The following GALNT18 variants were observed in gnomAD, a reference collection of about 807,000 sequenced individuals.
GALNT18 encodes polypeptide N-acetylgalactosaminyltransferase 18.
A neutral mutation model predicts 69.5 loss-of-function variants in GALNT18; 44 were observed. That is an observed-to-expected ratio of 0.63 (90% CI 0.50 to 0.81). The LOEUF (loss-of-function observed/expected upper bound fraction) is 0.81, where lower values mean the gene tolerates loss of function less well. Among genes scored for constraint, GALNT18 ranks in the 40% least tolerant of loss-of-function variants. The pLI, the probability that GALNT18 is intolerant of heterozygous loss-of-function variation, is 0.00. For synonymous variants in GALNT18, 364 were observed against 318.2 expected (o/e 1.14, Z -1.53); for missense variants, 715 against 810.0 (o/e 0.88, Z 1.42).
intron 10 of GALNT18, among the ~76,000 whole-genome samples, chr11:11,281,682 G>A (rs1049285484): frequency 4.6e-5 from 7 of 152,126 alleles, no homozygotes; most frequent in African/African-American, 1.7e-4. Context: ...GCATCCTTCA[G>A]AGACTCCCAT....
intron 8 of GALNT18, among the ~76,000 whole-genome samples, chr11:11,329,145 C>G (rs1163642697): frequency 2.6e-5 from 4 of 152,124 alleles, no homozygotes; most frequent in African/African-American, 9.7e-5. Context: ...TAGTGCCTAC[C>G]TCATAAGGCT....
At chr11:11,570,599 C>T (rs569959215) in intron 1 of GALNT18, among the ~76,000 whole-genome samples, 1 of 152,334 alleles carries the variant, frequency 6.6e-6, no homozygotes, top group Admixed American at 6.5e-5. Flanking sequence ...ATCACAGTCT[C>T]AAAGCTCCCC....
chr11:11,593,135 G>C (rs948433776), intron 1 of GALNT18, among the ~76,000 whole-genome samples: 1 of 152,058 alleles, frequency 6.6e-6, no homozygotes, highest in Non-Finnish European at 1.5e-5. Context: ...GGATGGTCTC[G>C]ATATCCTGAC....
chr11:11,373,573 G>C (rs148282869), intron 5 of GALNT18, among the ~76,000 whole-genome samples: 4 of 152,332 alleles, frequency 2.6e-5, no homozygotes, highest in Middle Eastern at 3.4e-3. Context: ...AACAGGCAGA[G>C]CTTAGGTACA....
chr11:11,320,932 G>A lies in GALNT18; in HGVS notation c.1512+6154C>T, dbSNP rs1249873722. On this transcript the variant is annotated intron_variant, in intron 9 of 10. Transcript: ENST00000227756. This position sits in a 1 kb window ranked among gnomAD's most constrained non-coding sequence, Gnocchi z 4.9. ...CACTGCTAGTTGTGCATCTGAGCAT[G>A]GCCTGGCGTGAAAGGTCACCAGGAC... is the stretch of plus-strand genomic sequence containing the variant. Among the ~76,000 whole-genome samples, 1 of 152,142 alleles carries A rather than the reference G, an allele frequency of 6.6e-6. No individual in the cohort carries two copies. Among genetic ancestry groups the A allele is most frequent in the Non-Finnish European group, 1.5e-5 (1 of 68,024 alleles).
At position 11,387,323 on chromosome 11, in the gene GALNT18, T is replaced by C. The variant is rs1589959905; in HGVS notation, c.596-8059A>G. 4.6e-5 allele frequency among the ~76,000 whole-genome samples: 7 copies of C among 152,204 alleles called. No homozygotes were observed. In the South Asian group the frequency reaches 1.5e-3, roughly 32 times the overall value. On this transcript the variant is annotated intron_variant, in intron 3 of 10. Coordinates refer to ENST00000227756, the MANE Select transcript of GALNT18 (RefSeq NM_198516.3). This position sits in a 1 kb window ranked among gnomAD's most constrained non-coding sequence, Gnocchi z 4.6. ...CTGCCTTCTGCAGAGGCCACGGCTTTTTGTCCCATTGTGGCCACACCCCTC... is the reference window on the plus strand; with the variant it reads ...CTGCCTTCTGCAGAGGCCACGGCTTCTTGTCCCATTGTGGCCACACCCCTC...
At chr11:11,344,297 C>T (rs908318593) in intron 6 of GALNT18, among the ~76,000 whole-genome samples, 8 of 152,122 alleles carry the variant, frequency 5.3e-5, no homozygotes, top group South Asian at 4.1e-4. Flanking sequence ...CATGCAATGA[C>T]GTACCCAACC....
intron 1 of GALNT18, among the ~76,000 whole-genome samples, chr11:11,597,011 A>G (rs1859516810): frequency 6.6e-6 from 1 of 152,116 alleles, no homozygotes; most frequent in African/African-American, 2.4e-5. Flanking sequence ...TTCATCCAGA[A>G]AGGGTAGATT....
chr11:11,609,258 G>A (rs76751848), intron 1 of GALNT18, among the ~76,000 whole-genome samples: 13,963 of 151,246 alleles, frequency 0.092, 921 homozygotes, highest in Admixed American at 0.2. Flanking sequence ...TTCCCAACCC[G>A]CCCCTCTCTG....
chr11:11,536,877 CAAAAAAG>C (rs1406625475), intron 1 of GALNT18, among the ~76,000 whole-genome samples: 32 of 152,146 alleles, frequency 2.1e-4, no homozygotes, highest in African/African-American at 7.7e-4. Context: ...AATGTTAAGG[CAAAAAAG>C]AACAGGGCTT....
intron 1 of GALNT18, among the ~76,000 whole-genome samples, chr11:11,518,315 G>A (rs1000328659): frequency 6.6e-6 from 1 of 152,248 alleles, no homozygotes; most frequent in Non-Finnish European, 1.5e-5. Flanking sequence ...AATTGTAGAG[G>A]AAATGATGTG....
chr11:11,340,747 T>C lies in GALNT18; in HGVS notation c.1278+72A>G. ...TCTGGCTGACCCATAGGAAGAAGGG[T>C]TCGGTCCCATATCTTGTTTTGTTTG... On this transcript the variant is annotated intron_variant, in intron 7 of 10. Transcript: ENST00000227756. The surrounding 1 kb of genome is among the most constrained non-coding windows in gnomAD (Gnocchi z 4.2). 6.4e-6 allele frequency: 9 copies of C among 1,416,932 alleles called. No individual in the cohort carries two copies. Among genetic ancestry groups the C allele is most frequent in the Non-Finnish European group, 8.7e-6 (9 of 1,036,358 alleles). 87.8% of individuals were successfully genotyped at this position (1,416,932 alleles called of 1,614,324 possible). A position where few individuals can be genotyped will look rare whatever the true frequency, so the allele number is the denominator to read the frequency against.
chr11:11,616,576 G>A lies in GALNT18; in HGVS notation c.235+4783C>T, dbSNP rs1860055770. Among the ~76,000 whole-genome samples the A allele has an allele frequency of 1.3e-5, 2 of 152,182 alleles. No homozygotes were observed. The highest frequency in any genetic ancestry group is 2.1e-4 in the South Asian group (1 of 4,822). On this transcript the variant is annotated intron_variant, in intron 1 of 10. Transcript: ENST00000227756. The surrounding 1 kb of genome is among the most constrained non-coding windows in gnomAD (Gnocchi z 4.4). ...AATCAATAATAGTATACTGATGACA[G>A]AATACTATGCAGTCATTAAAAATAC... is the stretch of plus-strand genomic sequence containing the variant.
rs1855871948 is a variant in GALNT18, at chr11:11,454,197, C to CG, written c.236-5262dup. Among the ~76,000 whole-genome samples the CG allele has an allele frequency of 6.6e-6, 1 of 152,178 alleles. No homozygotes were observed. The highest frequency in any genetic ancestry group is 2.4e-5 in the African/African-American group (1 of 41,448). ...AGCACAAAGCCAGTGAAGGCATGGC[C>CG]GGGGCAAATTCCAGCTGTGTGCAGT... On this transcript the variant is annotated intron_variant, in intron 1 of 10. Coordinates refer to ENST00000227756, the MANE Select transcript of GALNT18 (RefSeq NM_198516.3). The surrounding 1 kb of genome is among the most constrained non-coding windows in gnomAD (Gnocchi z 4.2).
In GALNT18 at chr11:11,562,059, T is replaced by C. The variant is rs1858524564; in HGVS notation, c.235+59300A>G. On this transcript the variant is annotated intron_variant, in intron 1 of 10. Transcript: ENST00000227756. This position sits in a 1 kb window ranked among gnomAD's most constrained non-coding sequence, Gnocchi z 4.1. Reference sequence around the variant, plus strand: ...AAACCACACTCCTAACCCTTTCTCTTTACTAAAGGTGTGGGATTGCTCCCT... The same window carrying C: ...AAACCACACTCCTAACCCTTTCTCTCTACTAAAGGTGTGGGATTGCTCCCT... Among the ~76,000 whole-genome samples the C allele has an allele frequency of 6.6e-6, 1 of 152,242 alleles. No homozygotes were observed. Among genetic ancestry groups the C allele is most frequent in the Non-Finnish European group, 1.5e-5 (1 of 68,040 alleles).
intron 1 of GALNT18, among the ~76,000 whole-genome samples, chr11:11,524,684 G>A (rs1401643960): frequency 6.6e-6 from 1 of 152,220 alleles, no homozygotes; most frequent in Non-Finnish European, 1.5e-5. Flanking sequence ...TTTAATGTGA[G>A]CATAGAAATA....
Position 11,606,622 on chromosome 11 carries a change from G to T in GALNT18, c.235+14737C>A, listed in dbSNP as rs1171078740. Among the ~76,000 whole-genome samples the T allele has an allele frequency of 2.0e-5, 3 of 152,188 alleles. No homozygotes were observed. The highest frequency in any genetic ancestry group is 4.8e-5 in the African/African-American group (2 of 41,442). On this transcript the variant is annotated intron_variant, in intron 1 of 10. Transcript: ENST00000227756. The surrounding 1 kb of genome is among the most constrained non-coding windows in gnomAD (Gnocchi z 5.4). The stretch of plus-strand genomic sequence containing the variant: ...CCCGAAGTCAGGCTCTGGTCAGCAG[G>T]CCAGGGAGAGGAGATCCCATCCAAG...
chr11:11,307,749 C>G (rs1000755492), intron 9 of GALNT18, among the ~76,000 whole-genome samples: 5 of 20,516 alleles, frequency 2.4e-4, no homozygotes, highest in African/African-American at 9.9e-4. Context: ...CATCCTTGAC[C>G]CCCCCAAGGT....
At chr11:11,386,351 C>G (rs914335893) in intron 3 of GALNT18, among the ~76,000 whole-genome samples, 4 of 152,114 alleles carry the variant, frequency 2.6e-5, no homozygotes, top group African/African-American at 9.7e-5. Context: ...CATCAGTTTT[C>G]TAGGATCATC....
Sources: gnomAD v4.1 joint callset for allele counts (sites outside exome capture counted in the v4.1 genomes callset) on GRCh38, gnomAD v4.1.1 for gene constraint, Gnocchi (gnomAD v3.1) non-coding constraint, MANE v1.5 for transcripts, NCBI Gene and HGNC (gene_info 2026-07-23, HGNC 2026-07-21) for gene names.